The following TM6SF1 variants were observed in gnomAD, a reference collection of about 807,000 sequenced individuals.
TM6SF1 encodes transmembrane 6 superfamily member 1.
Under a neutral mutation model 47.1 loss-of-function variants are expected in TM6SF1, and 43 were observed. The observed-to-expected ratio is 0.91, with a 90% CI of 0.72 to 1.18. The LOEUF is 1.18. Among genes scored for constraint, TM6SF1 ranks in the 50% most tolerant of loss-of-function variants. The probability of loss-of-function intolerance (pLI) is 0.00; values close to 1 mark genes in which losing one functional copy is unlikely to be tolerated. For missense variants in TM6SF1, 390 were observed against 449.0 expected, an observed-to-expected ratio of 0.87 and a Z score of 1.19; for synonymous variants, 177 against 166.3, an observed-to-expected ratio of 1.06 and a Z score of -0.49.
intron 9 of TM6SF1, chr15:83,131,630 CA>C (rs201167657): frequency 6.6e-6 from 1 of 151,286 alleles, no homozygotes; most frequent in Non-Finnish European, 1.5e-5. Flanking sequence ...AAGACTGTCT[CA>C]AAAAAAAGAA....
At chr15:83,127,738 G>A (rs2151377278) in intron 9 of TM6SF1, 1 of 366,170 alleles carries the variant, frequency 2.7e-6, no homozygotes, top group East Asian at 7.1e-5. Context: ...TTTGCCCAAG[G>A]TTACACACCC....
chr15:83,136,512 A>G lies in TM6SF1; in HGVS notation c.953A>G (p.His318Arg). 3.1e-6 allele frequency: 5 copies of G among 1,594,258 alleles called. No homozygotes were observed. Among genetic ancestry groups the G allele is most frequent in the African/African-American group, 1.4e-5 (1 of 73,480 alleles). The change falls in exon 10 of 10, where the codon CAT (histidine) becomes CGT (arginine). Residue 318 changes from histidine (H) to arginine (R), a missense_variant. His to Arg is a conservative substitution (Grantham distance 29, BLOSUM62 0). Transcript: ENST00000322019. Reference sequence around the variant, plus strand: ...TTTTCTCACATTGGTGCATCTCTTCATGCTAGAACTGCTTATGTCTACAGA... The same window carrying G: ...TTTTCTCACATTGGTGCATCTCTTCGTGCTAGAACTGCTTATGTCTACAGA... Reference protein sequence around the residue: ...AQFSHIGASLHARTAYVYRVP... With the variant: ...AQFSHIGASLRARTAYVYRVP...
intron 7 of TM6SF1, among the ~76,000 whole-genome samples, chr15:83,125,477 A>C (rs941517437): frequency 1.6e-4 from 24 of 152,204 alleles, no homozygotes; most frequent in African/African-American, 4.3e-4. Flanking sequence ...CTGTAAAATA[A>C]CACTACCTAC....
At chr15:83,131,782 C>T (rs2036272200) in intron 9 of TM6SF1, 4 of 152,004 alleles carry the variant, frequency 2.6e-5, no homozygotes, top group Admixed American at 2.6e-4. Context: ...CATTTTAGAC[C>T]AAAGAGTTCC....
At chr15:83,132,608 G>C (rs1198802521) in intron 9 of TM6SF1, 3 of 152,000 alleles carry the variant, frequency 2.0e-5, no homozygotes, top group Non-Finnish European at 4.4e-5. Context: ...TGCCCAGGCT[G>C]GTCTCAAACT....
At chr15:83,119,975 T>A in intron 4 of TM6SF1, 1 of 293,124 alleles carries the variant, frequency 3.4e-6, no homozygotes. Context: ...AAGCACATCT[T>A]AAACTTCATT....
chr15:83,118,077 C>G lies in TM6SF1; in HGVS notation c.295-1501C>G, dbSNP rs576446004. Among the ~76,000 whole-genome samples, 13 of 152,296 alleles carry G rather than the reference C, an allele frequency of 8.5e-5. No individual in the cohort carries two copies. The East Asian group carries it at 2.3e-3, about 27-fold the overall frequency. ...TGGTTTCACCATTAATATAGAGAGG[C>G]CATGGCTGGCCTGGTGGCTCATGCC... On this transcript the variant is annotated intron_variant, in intron 3 of 9. Transcript: ENST00000322019.
chr15:83,119,495 T>C (rs2035017371), intron 3 of TM6SF1, 83 bp from the exon 4 acceptor site: 1 of 1,379,434 alleles, frequency 7.2e-7, no homozygotes, highest in Non-Finnish European at 1.0e-6. Context: ...GTTCTGCTGT[T>C]TTATTTTACT....
chr15:83,112,498 C>T (rs978226304), intron 1 of TM6SF1, among the ~76,000 whole-genome samples: 1 of 152,058 alleles, frequency 6.6e-6, no homozygotes, highest in Non-Finnish European at 1.5e-5. Flanking sequence ...ATAGGTGCAG[C>T]AGGGTGGGGT....
chr15:83,124,059 A>G (rs1226989788), intron 6 of TM6SF1, among the ~76,000 whole-genome samples: 5 of 152,198 alleles, frequency 3.3e-5, no homozygotes, highest in African/African-American at 7.2e-5. Flanking sequence ...TACATTAAGT[A>G]TAACAGTGAA....
At chr15:83,135,867 C>A (rs939040816) in intron 9 of TM6SF1, 4 of 152,038 alleles carry the variant, frequency 2.6e-5, no homozygotes, top group Non-Finnish European at 5.9e-5. Flanking sequence ...TACAAACAAC[C>A]CTTAATATTT....
At chr15:83,110,636 C>T (rs2034061221) in intron 1 of TM6SF1, among the ~76,000 whole-genome samples, 1 of 152,156 alleles carries the variant, frequency 6.6e-6, no homozygotes, top group Non-Finnish European at 1.5e-5. Flanking sequence ...CTGCCTCAGG[C>T]TGTTCACCAT....
intron 3 of TM6SF1, among the ~76,000 whole-genome samples, chr15:83,116,154 C>T (rs1170783266): frequency 6.6e-6 from 1 of 152,232 alleles, no homozygotes; most frequent in Non-Finnish European, 1.5e-5. Context: ...ACATTCAGCT[C>T]TCACGGCTTC....
chr15:83,119,152 CGGGATCAGCATG>C lies in TM6SF1; in HGVS notation c.295-425_295-414del, dbSNP rs1567140099. Among the ~76,000 whole-genome samples the C allele has an allele frequency of 7.9e-5, 12 of 152,286 alleles. No homozygotes were observed. The East Asian group carries it at 2.3e-3, about 30-fold the overall frequency. ...GTGCCATGCCCAGCCCAGCAAGCCA[CGGGATCAGCATG>C]AATTATTAAGGCCAGCCACTGGTTC... is the stretch of plus-strand genomic sequence containing the variant. On this transcript the variant is annotated intron_variant, in intron 3 of 9. Transcript: ENST00000322019.
intron 1 of TM6SF1, among the ~76,000 whole-genome samples, chr15:83,108,396 C>G (rs928704048): frequency 6.6e-6 from 1 of 152,060 alleles, no homozygotes; most frequent in African/African-American, 2.4e-5. Flanking sequence ...AAGGTTCCAC[C>G]GAGACCTCTT....
chr15:83,124,842 C>T, intron 7 of TM6SF1, 66 bp downstream of exon 7: 2 of 1,341,948 alleles, frequency 1.5e-6, no homozygotes, highest in Non-Finnish European at 1.1e-6. Flanking sequence ...TGGAAAAAAA[C>T]TTAGAAATAT....
In TM6SF1 at chr15:83,112,635, A is replaced by G. The variant is rs142604320; in HGVS notation, c.93-162A>G. On this transcript the variant is annotated intron_variant, in intron 1 of 9. Coordinates refer to ENST00000322019, the MANE Select transcript of TM6SF1 (RefSeq NM_023003.5). ...CAGCCCAGATGGGCCAAAGAGCTGCAGATAAACTTCACTAACTCTACAGTG... is the reference window on the plus strand; with the variant it reads ...CAGCCCAGATGGGCCAAAGAGCTGCGGATAAACTTCACTAACTCTACAGTG... 458 of 630,890 alleles carry G rather than the reference A, an allele frequency of 7.3e-4. 3 individuals carry two copies. The African/African-American group carries it at 7.8e-3, about 11-fold the overall frequency. 39.1% of individuals were successfully genotyped at this position (630,890 alleles called of 1,614,324 possible).
chr15:83,122,267 G>C (rs970180119), intron 5 of TM6SF1, among the ~76,000 whole-genome samples: 3 of 152,114 alleles, frequency 2.0e-5, no homozygotes, highest in African/African-American at 4.8e-5. Context: ...TTGAGGGAGT[G>C]AGTATGGTGT....
chr15:83,115,718 C>G (rs1168803022), intron 2 of TM6SF1, 127 bp from the exon 3 acceptor site: 1 of 745,638 alleles, frequency 1.3e-6, no homozygotes, highest in Admixed American at 2.0e-5. Context: ...GTTAGTCTAT[C>G]TCGATAATTG....
Sources: gnomAD v4.1 joint callset for allele counts (sites outside exome capture counted in the v4.1 genomes callset) on GRCh38, gnomAD v4.1.1 for gene constraint, MANE v1.5 for transcripts, NCBI Gene and HGNC (gene_info 2026-07-23, HGNC 2026-07-21) for gene names.